SSBP2: variants seen among roughly 807,000 people sequenced by gnomAD.
The protein encoded by SSBP2 is single stranded DNA binding protein 2.
SSBP2 carries 17 observed loss-of-function variants against 61.8 expected under a neutral mutation model. That is an observed-to-expected ratio of 0.28 (90% CI 0.19 to 0.41). The LOEUF is 0.41. Ranked by LOEUF, SSBP2 falls within the 10% of genes least tolerant of loss-of-function variation. The pLI, the probability that SSBP2 is intolerant of heterozygous loss-of-function variation, is 1.00. For synonymous variants in SSBP2, 139 were observed against 141.3 expected, an observed-to-expected ratio of 0.98 and a Z score of 0.12; for missense variants, 310 against 458.7, an observed-to-expected ratio of 0.68 and a Z score of 2.96.
rs772423701 is a variant in SSBP2, at chr5:81,615,462, T to C, written c.282+11A>G. ...GACAGTGTAACTTTGTAAAATTATATGTTAACTTACGTAATCATGGAAGGC... is the reference window on the plus strand; with the variant it reads ...GACAGTGTAACTTTGTAAAATTATACGTTAACTTACGTAATCATGGAAGGC... On this transcript the variant is annotated intron_variant, in intron 4 of 16. Transcript: ENST00000320672. The C allele has an allele frequency of 1.3e-5, 21 of 1,603,022 alleles. No individual in the cohort carries two copies. In the South Asian group the frequency reaches 2.3e-4, roughly 18 times the overall value.
At chr5:81,747,025 G>A (rs986729092) in intron 1 of SSBP2, among the ~76,000 whole-genome samples, 1 of 141,208 alleles carries the variant, frequency 7.1e-6, no homozygotes, top group African/African-American at 2.6e-5. Flanking sequence ...AAATTCCTGG[G>A]GGGGGGGGGA....
At chr5:81,681,216 T>C (rs1752352782) in intron 1 of SSBP2, among the ~76,000 whole-genome samples, 1 of 151,992 alleles carries the variant, frequency 6.6e-6, no homozygotes, top group Non-Finnish European at 1.5e-5. Flanking sequence ...ATAAATATTT[T>C]GAACTAAAAA....
Position 81,446,933 on chromosome 5 carries a change from A to G in SSBP2, c.724-11T>C. ...ACCTCCTGGAGGACCCTAAATAATTATACAAAATTTCAGTAAAAATAAGGC... is the reference window on the plus strand; with the variant it reads ...ACCTCCTGGAGGACCCTAAATAATTGTACAAAATTTCAGTAAAAATAAGGC... On this transcript the variant is annotated splice_polypyrimidine_tract_variant and intron_variant, in intron 11 of 16. Transcript: ENST00000320672. 6.3e-7 allele frequency: 1 copy of G among 1,586,918 alleles called. No individual in the cohort carries two copies. Among genetic ancestry groups the G allele is most frequent in the Non-Finnish European group, 8.6e-7 (1 of 1,168,076 alleles).
At chr5:81,648,726 G>T (rs1256985690) in intron 2 of SSBP2, among the ~76,000 whole-genome samples, 1 of 151,914 alleles carries the variant, frequency 6.6e-6, no homozygotes, top group African/African-American at 2.4e-5. Context: ...GTACATAGTA[G>T]TATATATATT....
At chr5:81,615,628 T>A in intron 3 of SSBP2, 71 bp from the exon 4 acceptor site, 1 of 1,008,392 alleles carries the variant, frequency 9.9e-7, no homozygotes, top group Non-Finnish European at 1.5e-6. Flanking sequence ...ATTCCAAAAG[T>A]AGAAGACATG....
At chr5:81,654,982 T>A (rs1397139311) in intron 1 of SSBP2, among the ~76,000 whole-genome samples, 2 of 151,322 alleles carry the variant, frequency 1.3e-5, no homozygotes, top group African/African-American at 4.9e-5. Context: ...AATATATATA[T>A]ATACTTATAT....
In SSBP2 at chr5:81,415,588, C is replaced by T. The variant is rs1263523121; in HGVS notation, c.*4916G>A. 6.6e-6 allele frequency: 1 copy of T among 151,626 alleles called. No homozygotes were observed. Among genetic ancestry groups the T allele is most frequent in the Non-Finnish European group, 1.5e-5 (1 of 67,942 alleles). The allele number at this position is 151,626 out of a possible 1,614,324, so 9.4% of individuals were successfully genotyped here. A position where few individuals can be genotyped will look rare whatever the true frequency, so the allele number is the denominator to read the frequency against. ...ATGTGGAACCTGTGGATATGGAGGG[C>T]CAACTCTATTGTACAGAAGACATAA... On this transcript the variant is annotated 3_prime_UTR_variant, in exon 17 of 17. Transcript: ENST00000320672.
intron 1 of SSBP2, among the ~76,000 whole-genome samples, chr5:81,697,589 T>C (rs1753686247): frequency 6.6e-6 from 1 of 152,182 alleles, no homozygotes; most frequent in Admixed American, 6.5e-5. Flanking sequence ...AAGGCAAATA[T>C]AATAGTTAAC....
At chr5:81,609,428 G>T (rs893101007) in intron 4 of SSBP2, among the ~76,000 whole-genome samples, 4 of 152,126 alleles carry the variant, frequency 2.6e-5, no homozygotes, top group African/African-American at 9.7e-5. Context: ...GTTATTATCT[G>T]TATTACACTC....
At chr5:81,732,683 C>T (rs943259088) in intron 1 of SSBP2, among the ~76,000 whole-genome samples, 9 of 152,174 alleles carry the variant, frequency 5.9e-5, no homozygotes, top group Admixed American at 1.3e-4. Context: ...TGGTATAATG[C>T]TTTGCAGCCT....
chr5:81,650,454 A>G, intron 1 of SSBP2, 115 bp from the exon 2 acceptor site: 2 of 553,854 alleles, frequency 3.6e-6, no homozygotes, highest in Non-Finnish European at 6.0e-6. Flanking sequence ...CCAAAAATAA[A>G]CCCTTCCCAT....
intron 2 of SSBP2, among the ~76,000 whole-genome samples, chr5:81,647,363 GTT>G (rs767500783): frequency 6.6e-6 from 1 of 151,932 alleles, no homozygotes. Context: ...ATGTACTAGG[GTT>G]TCCAGATACA....
intron 4 of SSBP2, among the ~76,000 whole-genome samples, chr5:81,515,785 T>C (rs1768974331): frequency 6.6e-6 from 1 of 151,794 alleles, no homozygotes; most frequent in African/African-American, 2.4e-5. Flanking sequence ...TTTCCTGGGT[T>C]TTTTTTCTTG....
intron 4 of SSBP2, among the ~76,000 whole-genome samples, chr5:81,596,019 A>G (rs1743709592): frequency 1.3e-5 from 2 of 152,192 alleles, no homozygotes; most frequent in Non-Finnish European, 2.9e-5. Flanking sequence ...AATAAAGGGT[A>G]TTCAATTAGG....
chr5:81,750,741 C>T (rs1206405476), intron 1 of SSBP2: 7 of 562,364 alleles, frequency 1.2e-5, no homozygotes, highest in Non-Finnish European at 2.2e-5. Context: ...CACCGCCGCC[C>T]CTCAACACAC....
chr5:81,651,207 A>G (rs185151626), intron 1 of SSBP2, among the ~76,000 whole-genome samples: 1 of 152,246 alleles, frequency 6.6e-6, no homozygotes, highest in Admixed American at 6.5e-5. Context: ...TTTCTGCTAC[A>G]CTATATTTAC....
intron 4 of SSBP2, among the ~76,000 whole-genome samples, chr5:81,582,225 C>T (rs1272502539): frequency 1.3e-5 from 2 of 152,040 alleles, no homozygotes; most frequent in Non-Finnish European, 2.9e-5. Context: ...TAAAGAAATA[C>T]TAAAAGTAAA....
At chr5:81,651,262 A>G (rs1431463438) in intron 1 of SSBP2, among the ~76,000 whole-genome samples, 1 of 152,106 alleles carries the variant, frequency 6.6e-6, no homozygotes, top group Non-Finnish European at 1.5e-5. Context: ...TGTAACAATA[A>G]CCACAATTCT....
rs1769566557 is a variant in SSBP2 at position 81,522,473 on chromosome 5, A to T, written c.283-8756T>A. ...AAAATGATTGTTTACTCACACACAC[A>T]CAAACCCAGTTTTGTCAATAGCTAG... On this transcript the variant is annotated intron_variant, in intron 4 of 16. Coordinates refer to ENST00000320672, the MANE Select transcript of SSBP2 (RefSeq NM_012446.5). 2.0e-5 allele frequency among the ~76,000 whole-genome samples: 3 copies of T among 152,096 alleles called. No homozygotes were observed. In the South Asian group the frequency reaches 6.2e-4, roughly 32 times the overall value.
Sources: gnomAD v4.1 joint callset for allele counts (sites outside exome capture counted in the v4.1 genomes callset) on GRCh38, gnomAD v4.1.1 for gene constraint, MANE v1.5 for transcripts, NCBI Gene and HGNC (gene_info 2026-07-23, HGNC 2026-07-21) for gene names.